The following ZFYVE9 variants were observed in gnomAD, a reference collection of about 807,000 sequenced individuals.
ZFYVE9 encodes the protein zinc finger FYVE domain-containing protein 9.
A neutral mutation model predicts 126.7 loss-of-function variants in ZFYVE9; 43 were observed. The observed-to-expected ratio is 0.34, with a 90% confidence interval of 0.27 to 0.44. ZFYVE9 has a LOEUF of 0.44. ZFYVE9 is among the 20% of genes least tolerant of loss of function. ZFYVE9 has a pLI of 1.00. For synonymous variants in ZFYVE9, 521 were observed against 597.4 expected (o/e 0.87, Z 1.87); for missense variants, 1,476 against 1,697.0 (o/e 0.87, Z 2.29).
At chr1:52,234,704 A>G (rs114620702) in intron 3 of ZFYVE9, among the ~76,000 whole-genome samples, 113 of 152,284 alleles carry the variant, frequency 7.4e-4, no homozygotes, top group African/African-American at 2.5e-3. Context: ...ACACTAACCT[A>G]TATTCCTAGG....
At chr1:52,240,468 C>G (rs1046020436) in intron 4 of ZFYVE9, among the ~76,000 whole-genome samples, 2 of 152,160 alleles carry the variant, frequency 1.3e-5, no homozygotes, top group African/African-American at 2.4e-5. Context: ...TGATTAATCT[C>G]TACCTCCCTT....
intron 1 of ZFYVE9, among the ~76,000 whole-genome samples, chr1:52,167,266 A>G (rs1468564001): frequency 6.6e-6 from 1 of 152,170 alleles, no homozygotes. Flanking sequence ...ATGTGCAGTG[A>G]TCCAATGTTA....
At chr1:52,176,764 G>C (rs910667317) in intron 1 of ZFYVE9, among the ~76,000 whole-genome samples, 2 of 152,204 alleles carry the variant, frequency 1.3e-5, no homozygotes, top group African/African-American at 4.8e-5. Flanking sequence ...CTAGCAATCA[G>C]CGAGACTCCG....
intron 1 of ZFYVE9, chr1:52,162,836 C>A: frequency 2.5e-6 from 1 of 403,212 alleles, no homozygotes; most frequent in South Asian, 3.4e-5. Context: ...TGTGTAACGT[C>A]GATGAGAATG....
intron 1 of ZFYVE9, among the ~76,000 whole-genome samples, chr1:52,214,658 G>A (rs1473962281): frequency 6.6e-6 from 1 of 152,000 alleles, no homozygotes; most frequent in Admixed American, 6.5e-5. Flanking sequence ...AGAACCAATA[G>A]TATATGGAGG....
intron 4 of ZFYVE9, among the ~76,000 whole-genome samples, chr1:52,255,466 T>C (rs1373339128): frequency 6.6e-6 from 1 of 150,826 alleles, no homozygotes. Flanking sequence ...ATGCCTGTAG[T>C]CCCGGCTACT....
intron 13 of ZFYVE9, among the ~76,000 whole-genome samples, chr1:52,321,785 A>G (rs1345246805): frequency 6.6e-6 from 1 of 152,130 alleles, no homozygotes; most frequent in Non-Finnish European, 1.5e-5. Flanking sequence ...CTCCTAGGGC[A>G]TCCCTCATTT....
chr1:52,254,635 A>C (rs947510081), intron 4 of ZFYVE9, among the ~76,000 whole-genome samples: 7 of 152,214 alleles, frequency 4.6e-5, no homozygotes, highest in Admixed American at 4.6e-4. Flanking sequence ...TTTTAGTGTT[A>C]CTAAATAGCA....
intron 17 of ZFYVE9, among the ~76,000 whole-genome samples, chr1:52,344,071 CAAAAAAA>C (rs112122608): frequency 1.1e-4 from 10 of 89,908 alleles, no homozygotes; most frequent in African/African-American, 4.0e-4. Context: ...ACTTTGTTTC[CAAAAAAA>C]AAAAAAAAAA....
chr1:52,275,033 TAAG>T (rs913486074), intron 8 of ZFYVE9, among the ~76,000 whole-genome samples: 55 of 152,332 alleles, frequency 3.6e-4, no homozygotes, highest in Non-Finnish European at 6.8e-4. Flanking sequence ...GGGATCTTGA[TAAG>T]AAGTAAAATT....
At chr1:52,181,197 C>T (rs898038353) in intron 1 of ZFYVE9, among the ~76,000 whole-genome samples, 2 of 152,160 alleles carry the variant, frequency 1.3e-5, no homozygotes, top group African/African-American at 4.8e-5. Context: ...ATTCTCCTGC[C>T]TCAGCCTGCT....
At chr1:52,198,010 G>A (rs1644877426) in intron 1 of ZFYVE9, among the ~76,000 whole-genome samples, 3 of 152,018 alleles carry the variant, frequency 2.0e-5, no homozygotes, top group Admixed American at 2.0e-4. Context: ...TGAGTCATTC[G>A]AATGGAGGTG....
intron 13 of ZFYVE9, among the ~76,000 whole-genome samples, chr1:52,308,829 G>A (rs1367805426): frequency 6.6e-6 from 1 of 152,174 alleles, no homozygotes; most frequent in Non-Finnish European, 1.5e-5. Context: ...TTTCTCTGCT[G>A]TGAGTTCCAT....
intron 1 of ZFYVE9, among the ~76,000 whole-genome samples, chr1:52,157,908 C>T (rs563102099): frequency 4.6e-5 from 7 of 152,268 alleles, no homozygotes; most frequent in African/African-American, 1.7e-4. Flanking sequence ...CCTCTCTCCC[C>T]AGTATATTCC....
At chr1:52,215,808 G>T (rs1156554962) in intron 1 of ZFYVE9, among the ~76,000 whole-genome samples, 2 of 152,168 alleles carry the variant, frequency 1.3e-5, no homozygotes, top group African/African-American at 4.8e-5. Flanking sequence ...TTGCATGCAT[G>T]CCTGATAGTG....
chr1:52,242,187 G>T (rs1406510294), intron 4 of ZFYVE9, among the ~76,000 whole-genome samples: 3 of 151,872 alleles, frequency 2.0e-5, no homozygotes, highest in Non-Finnish European at 2.9e-5. Context: ...ATGCGCCAAC[G>T]GGCCTGGCTA....
Position 52,203,505 on chromosome 1 carries a change from A to T in ZFYVE9, c.-142-12864A>T, listed in dbSNP as rs573152758. On this transcript the variant is annotated intron_variant, in intron 1 of 18. Transcript: ENST00000287727. The stretch of plus-strand genomic sequence containing the variant: ...TTTTTTTTTTTAAGAGATTAAAAAA[A>T]TTTTTTTTTATTTTCTATAGTTTGA... Among the ~76,000 whole-genome samples the T allele has an allele frequency of 4.1e-3, 564 of 136,000 alleles. 4 individuals are homozygous for T. Among genetic ancestry groups the T allele is most frequent in the African/African-American group, 0.011 (417 of 36,646 alleles). The allele number at this position is 136,000 out of a possible 152,430, so 89.2% of individuals were successfully genotyped here.
At chr1:52,342,386 C>G (rs1646445509) in intron 17 of ZFYVE9, among the ~76,000 whole-genome samples, 1 of 151,434 alleles carries the variant, frequency 6.6e-6, no homozygotes, top group Non-Finnish European at 1.5e-5. Context: ...CTGCCTCAGC[C>G]TCCTGAGTAG....
chr1:52,339,448 C>T (rs2147875878), intron 16 of ZFYVE9, among the ~76,000 whole-genome samples: 1 of 152,174 alleles, frequency 6.6e-6, no homozygotes, highest in African/African-American at 2.4e-5. Flanking sequence ...ACCACTATTG[C>T]CTGGCTAATT....
Sources: gnomAD v4.1 joint callset for allele counts (sites outside exome capture counted in the v4.1 genomes callset) on GRCh38, gnomAD v4.1.1 for gene constraint, MANE v1.5 for transcripts, NCBI Gene and HGNC (gene_info 2026-07-23, HGNC 2026-07-21) for gene names.